SREK1: variants seen among roughly 807,000 people sequenced by gnomAD.
SREK1 encodes the protein splicing regulatory glutamic acid and lysine rich protein 1, also known as splicing regulatory glutamine/lysine-rich protein 1.
Under a neutral mutation model 66.5 loss-of-function variants are expected in SREK1, and 13 were observed. That is an observed-to-expected ratio of 0.20 (90% confidence interval 0.13 to 0.31). The LOEUF is 0.31. Among genes scored for constraint, SREK1 ranks in the 10% least tolerant of loss-of-function variants. The probability of loss-of-function intolerance (pLI) is 1.00; values close to 1 mark genes in which losing one functional copy is unlikely to be tolerated. For synonymous variants in SREK1, 265 were observed against 263.5 expected (o/e 1.01, Z -0.05); for missense variants, 607 against 769.6 (o/e 0.79, Z 2.50).
intron 9 of SREK1, among the ~76,000 whole-genome samples, chr5:66,172,551 A>G (rs1745729062): frequency 6.6e-6 from 1 of 152,078 alleles, no homozygotes; most frequent in African/African-American, 2.4e-5. Context: ...GTGCACCACC[A>G]TGCCTGGCTA....
intron 6 of SREK1, chr5:66,164,463 C>T: frequency 3.9e-6 from 3 of 776,250 alleles, no homozygotes; most frequent in Middle Eastern, 4.7e-4. Flanking sequence ...AGAATTTAAG[C>T]TTCAAATTCT....
chr5:66,156,145 G>GTGAAAC (rs1469491716), intron 2 of SREK1: 1 of 1,415,488 alleles, frequency 7.1e-7, no homozygotes, highest in Non-Finnish European at 9.2e-7. Context: ...CTGCCGTCAA[G>GTGAAAC]TGAAACCTTC....
chr5:66,160,045 G>T (rs1458360150), intron 3 of SREK1, among the ~76,000 whole-genome samples: 1 of 152,158 alleles, frequency 6.6e-6, no homozygotes, highest in Admixed American at 6.5e-5. Context: ...CTGGAGAATG[G>T]CGTGAGCCTG....
In SREK1 at chr5:66,163,488, C is replaced by G. The variant is rs1580651072; in HGVS notation, c.756-304C>G. On this transcript the variant is annotated intron_variant, in intron 5 of 11. Transcript: ENST00000334121. ...AAATGATTCATTTTCATATTGGTAT[C>G]AACATTTTAATTTATTTTAATTCTA... 1.9e-5 allele frequency: 4 copies of G among 214,640 alleles called. No individual in the cohort carries two copies. The East Asian group carries it at 3.4e-4, about 18-fold the overall frequency. The allele number at this position is 214,640 out of a possible 1,614,324, so 13.3% of individuals were successfully genotyped here.
intron 2 of SREK1, chr5:66,157,102 A>G: frequency 1.2e-5 from 11 of 951,752 alleles, no homozygotes; most frequent in Non-Finnish European, 1.4e-5. Flanking sequence ...TAGAATAAGT[A>G]TATAGAGTAA....
chr5:66,151,506 T>C (rs1561494330), intron 1 of SREK1, among the ~76,000 whole-genome samples: 2 of 152,138 alleles, frequency 1.3e-5, no homozygotes, highest in Non-Finnish European at 2.9e-5. Context: ...TACTGAAATA[T>C]GGAATGCAGG....
intron 1 of SREK1, among the ~76,000 whole-genome samples, chr5:66,149,331 C>T (rs1489537183): frequency 1.3e-5 from 2 of 151,196 alleles, no homozygotes; most frequent in Non-Finnish European, 2.9e-5. Context: ...GCTCGGGTGA[C>T]AGTGTGAAAC....
chr5:66,161,769 C>T (rs1369303954), intron 3 of SREK1, among the ~76,000 whole-genome samples: 2 of 152,010 alleles, frequency 1.3e-5, no homozygotes, highest in African/African-American at 4.8e-5. Flanking sequence ...GGAACTTCAC[C>T]CTGTATTTTC....
chr5:66,162,021 A>G, intron 3 of SREK1, 88 bp from the exon 4 acceptor site: 1 of 1,461,294 alleles, frequency 6.8e-7, no homozygotes, highest in Non-Finnish European at 9.2e-7. Context: ...TTGTTGAGTT[A>G]GTTCATTCTT....
intron 2 of SREK1, chr5:66,157,020 G>A (rs1744342715): frequency 2.0e-6 from 2 of 984,912 alleles, no homozygotes; most frequent in African/African-American, 3.5e-5. Flanking sequence ...GGTAAATTTG[G>A]TAGAATTCTA....
chr5:66,182,033 A>G lies in SREK1; in HGVS notation c.*3165A>G, dbSNP rs1746541702. 6.6e-6 allele frequency: 1 copy of G among 152,000 alleles called. No homozygotes were observed. The highest frequency in any genetic ancestry group is 2.4e-5 in the African/African-American group (1 of 41,376). The allele number at this position is 152,000 out of a possible 1,614,324, so 9.4% of individuals were successfully genotyped here. The stretch of plus-strand genomic sequence containing the variant: ...GATCTAACTCCCTTCTCAAGTGAAG[A>G]TACTGTGTAGATTCAAGAATTATAA... On this transcript the variant is annotated 3_prime_UTR_variant, in exon 12 of 12. Transcript: ENST00000334121.
chr5:66,164,975 AAAATATCAGAAGTTAG>A, intron 7 of SREK1, 78 bp downstream of exon 7: 1 of 1,379,540 alleles, frequency 7.2e-7, no homozygotes, highest in Non-Finnish European at 9.7e-7. Context: ...AGTTTTCGTC[AAAATATCAGAAGTTAG>A]AAATTTTAGT....
chr5:66,151,915 G>A (rs1743861739), intron 1 of SREK1, among the ~76,000 whole-genome samples: 1 of 135,134 alleles, frequency 7.4e-6, no homozygotes. Flanking sequence ...GCGCAATCTC[G>A]GCTCACTGCA....
At chr5:66,148,701 G>T (rs1580613994) in intron 1 of SREK1, among the ~76,000 whole-genome samples, 1 of 131,612 alleles carries the variant, frequency 7.6e-6, no homozygotes, top group African/African-American at 2.5e-5. Flanking sequence ...GGCTTAAGCA[G>T]TCCGCCTGCT....
intron 10 of SREK1, among the ~76,000 whole-genome samples, chr5:66,176,578 A>G (rs1023848350): frequency 2.6e-5 from 4 of 152,162 alleles, no homozygotes; most frequent in African/African-American, 9.6e-5. Context: ...GTCCAGGAAT[A>G]TGGTGTATCT....
chr5:66,167,588 A>G (rs1745280170), intron 7 of SREK1: 1 of 152,196 alleles, frequency 6.6e-6, no homozygotes, highest in Admixed American at 6.5e-5. Flanking sequence ...TAATCAGAAA[A>G]CTACTAGTGG....
intron 5 of SREK1, chr5:66,163,068 G>A (rs571847512): frequency 2.0e-5 from 3 of 152,378 alleles, no homozygotes; most frequent in East Asian, 3.9e-4. Flanking sequence ...TTTGTAAAAC[G>A]TTGATAATGG....
At chr5:66,164,573 G>GTTTATA in intron 6 of SREK1, 1 of 1,501,124 alleles carries the variant, frequency 6.7e-7, no homozygotes, top group South Asian at 1.2e-5. Flanking sequence ...ACGAACAGCT[G>GTTTATA]TTTATAATCA....
Position 66,147,264 on chromosome 5 carries a change from GATAA to G in SREK1, c.161+2731_161+2734del. On this transcript the variant is annotated intron_variant, in intron 1 of 11. Coordinates refer to ENST00000334121, the MANE Select transcript of SREK1 (RefSeq NM_001077199.3). ...TCATCCTTTTTTTGTGCTGCCAGTT[GATAA>G]ATATGTAGAATTACTATTAACTTTT... 2.0e-5 allele frequency among the ~76,000 whole-genome samples: 3 copies of G among 152,200 alleles called. No homozygotes were observed. In the South Asian group the frequency reaches 6.2e-4, roughly 32 times the overall value.
Sources: allele counts gnomAD v4.1 joint callset (sites outside exome capture counted in the v4.1 genomes callset), GRCh38; gene constraint gnomAD v4.1.1; transcripts MANE v1.5; gene names NCBI Gene and HGNC (gene_info 2026-07-23, HGNC 2026-07-21).